The following HS3ST3A1 variants were observed in gnomAD, a reference collection of about 807,000 sequenced individuals.
HS3ST3A1 encodes heparan sulfate glucosamine 3-O-sulfotransferase 3A1.
In HS3ST3A1, 19 loss-of-function variants were observed where a neutral mutation model predicts 25.7. The observed-to-expected ratio is 0.74, with a 90% CI of 0.52 to 1.08. The LOEUF is 1.08. Ranked by LOEUF, HS3ST3A1 falls within the 50% of genes least tolerant of loss-of-function variation. HS3ST3A1 has a pLI of 0.00. For synonymous variants in HS3ST3A1, 226 were observed against 278.6 expected, an observed-to-expected ratio of 0.81 and a Z score of 1.88; for missense variants, 459 against 594.3, an observed-to-expected ratio of 0.77 and a Z score of 2.37.
intron 1 of HS3ST3A1, among the ~76,000 whole-genome samples, chr17:13,538,348 C>A (rs1443568659): frequency 6.6e-6 from 1 of 152,224 alleles, no homozygotes; most frequent in Non-Finnish European, 1.5e-5. Context: ...CAGAAGTGAT[C>A]TGACCATTTT....
intron 1 of HS3ST3A1, among the ~76,000 whole-genome samples, chr17:13,573,709 G>A (rs1386574763): frequency 6.6e-6 from 1 of 152,142 alleles, no homozygotes; most frequent in East Asian, 1.9e-4. Context: ...CGGGCTGAAT[G>A]TTTGTACCCC....
At chr17:13,584,658 A>C (rs771590697) in intron 1 of HS3ST3A1, among the ~76,000 whole-genome samples, 9 of 152,194 alleles carry the variant, frequency 5.9e-5, no homozygotes, top group Non-Finnish European at 1.0e-4. Flanking sequence ...GCCACTATAC[A>C]TAAGCAAACA....
intron 1 of HS3ST3A1, among the ~76,000 whole-genome samples, chr17:13,547,479 T>C (rs1399298578): frequency 6.6e-6 from 1 of 152,164 alleles, no homozygotes; most frequent in Non-Finnish European, 1.5e-5. Flanking sequence ...TAGTTCATCA[T>C]GTCTATGTAA....
At chr17:13,540,088 G>A (rs62059584) in intron 1 of HS3ST3A1, among the ~76,000 whole-genome samples, 27,325 of 152,202 alleles carry the variant, frequency 0.18, 2,488 homozygotes, top group Admixed American at 0.19. Flanking sequence ...AGTCCCTTGG[G>A]ATCCACCTTA....
intron 1 of HS3ST3A1, among the ~76,000 whole-genome samples, chr17:13,550,135 T>A (rs1907200185): frequency 6.6e-6 from 1 of 152,242 alleles, no homozygotes; most frequent in Admixed American, 6.5e-5. Flanking sequence ...GATAACTGAA[T>A]CCGTTTAGTA....
intron 1 of HS3ST3A1, among the ~76,000 whole-genome samples, chr17:13,593,383 C>T (rs1908486921): frequency 6.6e-6 from 1 of 152,188 alleles, no homozygotes; most frequent in Non-Finnish European, 1.5e-5. Flanking sequence ...ACCTTTCACA[C>T]CTTCTTCACT....
intron 1 of HS3ST3A1, among the ~76,000 whole-genome samples, chr17:13,503,958 C>T (rs1191211679): frequency 1.3e-5 from 2 of 152,178 alleles, no homozygotes; most frequent in African/African-American, 4.8e-5. Context: ...AAATGTCCAC[C>T]CAAAATAGAC....
At chr17:13,531,458 C>T (rs1321714395) in intron 1 of HS3ST3A1, among the ~76,000 whole-genome samples, 2 of 152,024 alleles carry the variant, frequency 1.3e-5, no homozygotes, top group Non-Finnish European at 2.9e-5. Context: ...AGGTTTTGTC[C>T]CCTTTAAAAG....
chr17:13,597,943 C>A (rs1262420799), intron 1 of HS3ST3A1, among the ~76,000 whole-genome samples: 1 of 152,216 alleles, frequency 6.6e-6, no homozygotes, highest in Non-Finnish European at 1.5e-5. Context: ...ACTGCCACCA[C>A]AAACTATCAT....
At chr17:13,550,402 A>G (rs115144127) in intron 1 of HS3ST3A1, among the ~76,000 whole-genome samples, 1,619 of 152,066 alleles carry the variant, frequency 0.011, 20 homozygotes, top group African/African-American at 0.034. Context: ...ATTGCTTCTT[A>G]GTCTGGTCTT....
intron 1 of HS3ST3A1, among the ~76,000 whole-genome samples, chr17:13,553,036 C>T (rs1907284238): frequency 6.6e-6 from 1 of 152,042 alleles, no homozygotes; most frequent in African/African-American, 2.4e-5. Flanking sequence ...CTTTCTAGGA[C>T]CATGTTAGTT....
chr17:13,576,560 C>A (rs1333091935), intron 1 of HS3ST3A1, among the ~76,000 whole-genome samples: 1 of 152,212 alleles, frequency 6.6e-6, no homozygotes, highest in Admixed American at 6.5e-5. Flanking sequence ...ATGACTAGGT[C>A]TAGCCCACAT....
chr17:13,574,131 ACT>A (rs1055603111), intron 1 of HS3ST3A1, among the ~76,000 whole-genome samples: 2 of 120,306 alleles, frequency 1.7e-5, no homozygotes, highest in African/African-American at 6.9e-5. Flanking sequence ...TTGCCATATC[ACT>A]CTTTTTTTTT....
chr17:13,601,836 TGGCTG>T lies in HS3ST3A1; in HGVS notation c.-712_-708del, dbSNP rs1411259889. 3 of 153,584 alleles carry T rather than the reference TGGCTG, an allele frequency of 2.0e-5. No homozygotes were observed. The highest frequency in any genetic ancestry group is 6.5e-5 in the Admixed American group (1 of 15,286). 9.5% of individuals were successfully genotyped at this position (153,584 alleles called of 1,614,324 possible). A position where few individuals can be genotyped will look rare whatever the true frequency, so the allele number is the denominator to read the frequency against. On this transcript the variant is annotated 5_prime_UTR_variant, in exon 1 of 2. Transcript: ENST00000284110. ...TCTTGGACCCCACCTGTGAGCCGCGTGGCTGGGCTGGGCTGGGCTGCGCGGGACCT... is the reference window on the plus strand; with the variant it reads ...TCTTGGACCCCACCTGTGAGCCGCGTGGCTGGGCTGGGCTGCGCGGGACCT...
intron 1 of HS3ST3A1, among the ~76,000 whole-genome samples, chr17:13,590,799 C>A (rs946938827): frequency 4.6e-5 from 7 of 152,082 alleles, no homozygotes; most frequent in African/African-American, 1.7e-4. Context: ...GGGGTATTAA[C>A]ATATCTGAAG....
At chr17:13,548,830 G>A (rs7218779) in intron 1 of HS3ST3A1, among the ~76,000 whole-genome samples, 66,715 of 151,812 alleles carry the variant, frequency 0.44, 16,244 homozygotes, top group African/African-American at 0.66. Context: ...ACCAATCAGC[G>A]CTCTGTGTCT....
At chr17:13,598,007 C>A (rs910598985) in intron 1 of HS3ST3A1, among the ~76,000 whole-genome samples, 38 of 152,188 alleles carry the variant, frequency 2.5e-4, no homozygotes, top group Non-Finnish European at 1.0e-4. Flanking sequence ...TTAGGATTCT[C>A]CCGTGTCAAT....
rs1026588478 is a variant in HS3ST3A1 at position 13,541,505 on chromosome 17, G to A, written c.600-44687C>T. Reference sequence around the variant, plus strand: ...AAGGGCCAGTTGATACAATCACCCTGTCCACCTTCCCAAACACATTCTAAT... The same window carrying A: ...AAGGGCCAGTTGATACAATCACCCTATCCACCTTCCCAAACACATTCTAAT... On this transcript the variant is annotated intron_variant, in intron 1 of 1. Coordinates refer to ENST00000284110, the MANE Select transcript of HS3ST3A1 (RefSeq NM_006042.3). Among the ~76,000 whole-genome samples the A allele has an allele frequency of 1.3e-5, 2 of 152,092 alleles. 1 individual carries two copies. The highest frequency in any genetic ancestry group is 1.3e-4 in the Admixed American group (2 of 15,272).
At chr17:13,519,548 T>A (rs1906161813) in intron 1 of HS3ST3A1, among the ~76,000 whole-genome samples, 1 of 152,134 alleles carries the variant, frequency 6.6e-6, no homozygotes, top group Admixed American at 6.5e-5. Flanking sequence ...ATAGCAATGA[T>A]GATGATGATG....
Sources: gnomAD v4.1 joint callset for allele counts (sites outside exome capture counted in the v4.1 genomes callset) on GRCh38, gnomAD v4.1.1 for gene constraint, MANE v1.5 for transcripts, NCBI Gene and HGNC (gene_info 2026-07-23, HGNC 2026-07-21) for gene names.